PDE4D: variants seen among roughly 807,000 people sequenced by gnomAD.
PDE4D encodes phosphodiesterase 4D, also known as 3',5'-cyclic-AMP phosphodiesterase 4D.
PDE4D carries 24 observed loss-of-function variants against 87.4 expected under a neutral mutation model. The observed-to-expected ratio is 0.27, with a 90% CI of 0.20 to 0.39. The LOEUF is 0.39. Among genes scored for constraint, PDE4D ranks in the 10% least tolerant of loss-of-function variants. The probability of loss-of-function intolerance (pLI) is 1.00; values close to 1 mark genes in which losing one functional copy is unlikely to be tolerated. For missense variants in PDE4D, 714 were observed against 1,041.0 expected, an observed-to-expected ratio of 0.69 and a Z score of 4.32; for synonymous variants, 384 against 383.2, an observed-to-expected ratio of 1.00 and a Z score of -0.02.
chr5:60,112,372 C>T (rs1342819868), intron 2 of PDE4D, among the ~76,000 whole-genome samples: 1 of 152,000 alleles, frequency 6.6e-6, no homozygotes, highest in South Asian at 2.1e-4. Context: ...TGAGTAACCA[C>T]TACTGTTTTG....
At chr5:59,750,821 A>G (rs1044890435) in intron 1 of PDE4D, among the ~76,000 whole-genome samples, 3 of 152,024 alleles carry the variant, frequency 2.0e-5, no homozygotes, top group Admixed American at 1.3e-4. Context: ...CTGTAGTCCC[A>G]GCTACCTGAG....
chr5:60,397,986 C>A (rs528511743), intron 1 of PDE4D, among the ~76,000 whole-genome samples: 8 of 152,268 alleles, frequency 5.3e-5, no homozygotes, highest in African/African-American at 1.9e-4. Context: ...ACAGCACAGG[C>A]TCTACTGGAA....
intron 1 of PDE4D, among the ~76,000 whole-genome samples, chr5:60,401,884 T>A (rs1741125596): frequency 6.6e-6 from 1 of 152,204 alleles, no homozygotes; most frequent in East Asian, 1.9e-4. Context: ...TGCATCTTAA[T>A]AAGAAACCCA....
At chr5:59,096,480 C>T (rs1472215402) in intron 5 of PDE4D, among the ~76,000 whole-genome samples, 2 of 152,056 alleles carry the variant, frequency 1.3e-5, no homozygotes, top group Non-Finnish European at 2.9e-5. Context: ...GGGGAACATC[C>T]CCATGGTCAG....
At chr5:59,940,235 G>C (rs879294726) in intron 3 of PDE4D, among the ~76,000 whole-genome samples, 1 of 152,200 alleles carries the variant, frequency 6.6e-6, no homozygotes, top group Non-Finnish European at 1.5e-5. Context: ...CACCACAGGA[G>C]TTTCGGTTTC....
At chr5:59,499,325 A>G (rs1222218790) in intron 1 of PDE4D, among the ~76,000 whole-genome samples, 3 of 145,866 alleles carry the variant, frequency 2.1e-5, no homozygotes, top group Non-Finnish European at 3.0e-5. Context: ...TACATCTGAA[A>G]TTAACAACCT....
At chr5:59,976,049 G>A (rs893783577) in intron 3 of PDE4D, among the ~76,000 whole-genome samples, 1 of 152,140 alleles carries the variant, frequency 6.6e-6, no homozygotes, top group Non-Finnish European at 1.5e-5. Flanking sequence ...GCTGTGTTTT[G>A]TCTTGTTGAG....
intron 1 of PDE4D, among the ~76,000 whole-genome samples, chr5:59,890,126 G>GAT (rs1750737136): frequency 6.6e-6 from 1 of 152,024 alleles, no homozygotes; most frequent in Non-Finnish European, 1.5e-5. Flanking sequence ...CTTTATAAAA[G>GAT]ATATACCTTT....
intron 1 of PDE4D, among the ~76,000 whole-genome samples, chr5:59,577,285 G>C (rs955505270): frequency 6.6e-6 from 1 of 152,092 alleles, no homozygotes; most frequent in Non-Finnish European, 1.5e-5. Flanking sequence ...GCCATTTAAA[G>C]TTAGGTTTTG....
At chr5:60,492,598 T>G (rs981683033), upstream of PDE4D, among the ~76,000 whole-genome samples, 1 of 152,068 alleles carries the variant, frequency 6.6e-6, no homozygotes, top group African/African-American at 2.4e-5. Flanking sequence ...TGCAGGGAGA[T>G]GGATGAAGCT....
intron 1 of PDE4D, among the ~76,000 whole-genome samples, chr5:59,266,449 C>T (rs1436519098): frequency 6.6e-6 from 1 of 150,592 alleles, no homozygotes; most frequent in East Asian, 1.9e-4. Flanking sequence ...TCTCTGTGGT[C>T]TCTTTTATTT....
chr5:59,102,720 T>C (rs944977850), intron 5 of PDE4D, among the ~76,000 whole-genome samples: 2 of 152,126 alleles, frequency 1.3e-5, no homozygotes, highest in African/African-American at 2.4e-5. Context: ...TGGGAACTTA[T>C]AAGAAGGAAA....
At chr5:59,988,250 G>A in intron 3 of PDE4D, 1 of 415,582 alleles carries the variant, frequency 2.4e-6, no homozygotes, top group South Asian at 6.6e-5. Flanking sequence ...TTTGGCAAAT[G>A]TTTATTAGCA....
At chr5:59,572,357 T>A (rs931085039) in intron 1 of PDE4D, among the ~76,000 whole-genome samples, 1 of 151,046 alleles carries the variant, frequency 6.6e-6, no homozygotes, top group African/African-American at 2.4e-5. Context: ...ATAAGAAACA[T>A]ATTTTTTATT....
chr5:59,273,985 T>G (rs1301767983), intron 1 of PDE4D, among the ~76,000 whole-genome samples: 1 of 152,132 alleles, frequency 6.6e-6, no homozygotes, highest in Non-Finnish European at 1.5e-5. Flanking sequence ...TTTAAAGTAG[T>G]AACATCTTTT....
At chr5:59,093,584 C>T (rs1002244140) in intron 5 of PDE4D, among the ~76,000 whole-genome samples, 8 of 152,144 alleles carry the variant, frequency 5.3e-5, no homozygotes, top group African/African-American at 1.2e-4. Context: ...AAGAACACAC[C>T]GGCTTTGATT....
rs557339680 is a variant in PDE4D, at chr5:60,237,828, G to GGGTGAAT, written c.-89-52148_-89-52142dup. Among the ~76,000 whole-genome samples the GGGTGAAT allele has an allele frequency of 2.7e-3, 417 of 152,028 alleles. 2 individuals are homozygous for GGGTGAAT. Among genetic ancestry groups the GGGTGAAT allele is most frequent in the African/African-American group, 9.4e-3 (389 of 41,508 alleles). On this transcript the variant is annotated intron_variant, in intron 1 of 16. Coordinates refer to the PDE4D transcript ENST00000502484. ...CAAGGCATAATCATTGGGGGAAACT[G>GGGTGAAT]GGTGAATGGTACACAGGACATATCT... is the stretch of plus-strand genomic sequence containing the variant.
chr5:59,749,407 G>A (rs563929931), intron 1 of PDE4D, among the ~76,000 whole-genome samples: 3 of 152,216 alleles, frequency 2.0e-5, no homozygotes, highest in South Asian at 2.1e-4. Flanking sequence ...GGGATCACAG[G>A]TGCCTGCCAC....
At chr5:59,995,619 G>C (rs1015891582) in intron 2 of PDE4D, among the ~76,000 whole-genome samples, 1 of 151,918 alleles carries the variant, frequency 6.6e-6, no homozygotes, top group Non-Finnish European at 1.5e-5. Flanking sequence ...GCACCCGGCC[G>C]CATTTTTCTT....
Sources: allele counts gnomAD v4.1 joint callset (sites outside exome capture counted in the v4.1 genomes callset), GRCh38; gene constraint gnomAD v4.1.1; transcripts MANE v1.5; gene names NCBI Gene and HGNC (gene_info 2026-07-23, HGNC 2026-07-21).